Variants in PRKCI observed in about 807,000 individuals in gnomAD.
PRKCI encodes protein kinase C iota type.
A neutral mutation model predicts 84.0 loss-of-function variants in PRKCI; 43 were observed. The observed-to-expected ratio is 0.51, with a 90% CI of 0.40 to 0.66. The LOEUF is 0.66. Among genes scored for constraint, PRKCI ranks in the 30% least tolerant of loss-of-function variants. PRKCI has a pLI of 0.00. For synonymous variants in PRKCI, 216 were observed against 234.4 expected (o/e 0.92, Z 0.72); for missense variants, 459 against 745.6 (o/e 0.62, Z 4.48).
intron 12 of PRKCI, among the ~76,000 whole-genome samples, chr3:170,287,108 G>A (rs1052557265): frequency 5.3e-5 from 8 of 152,056 alleles, no homozygotes; most frequent in African/African-American, 1.9e-4. Context: ...GCCGAGGCAG[G>A]CAGATTGCTG....
intron 12 of PRKCI, among the ~76,000 whole-genome samples, chr3:170,285,327 C>T (rs1177201807): frequency 1.3e-5 from 2 of 152,218 alleles, no homozygotes; most frequent in Non-Finnish European, 2.9e-5. Flanking sequence ...GATCCGCCTG[C>T]CTCAGCCTCC....
At chr3:170,298,342 G>A (rs982822139) in intron 16 of PRKCI, among the ~76,000 whole-genome samples, 2 of 151,528 alleles carry the variant, frequency 1.3e-5, no homozygotes, top group Non-Finnish European at 2.9e-5. Flanking sequence ...AGATCCTCCT[G>A]TGTAACCTCC....
intron 2 of PRKCI, among the ~76,000 whole-genome samples, chr3:170,245,630 G>A (rs961936007): frequency 4.6e-5 from 7 of 152,008 alleles, no homozygotes; most frequent in African/African-American, 1.7e-4. Flanking sequence ...GTTCACACGG[G>A]ATACACTTAT....
At chr3:170,302,377 A>C (rs1474060802) in intron 17 of PRKCI, among the ~76,000 whole-genome samples, 3 of 152,212 alleles carry the variant, frequency 2.0e-5, no homozygotes, top group Non-Finnish European at 4.4e-5. Flanking sequence ...AAATTTAACA[A>C]GTACTGCTTT....
chr3:170,273,439 C>T, intron 7 of PRKCI, 99 bp downstream of exon 7: 1 of 1,119,300 alleles, frequency 8.9e-7, no homozygotes, highest in Non-Finnish European at 1.3e-6. Context: ...ACATTTACTT[C>T]TTCCCAATTA....
At position 170,268,202 on chromosome 3, in the gene PRKCI, C is replaced by T. The variant is rs565348478; in HGVS notation, c.450+202C>T. ...TTTCACTCTTAAAAATGCTCCAGGC[C>T]AGGTGTGGTGGCTCAGGCCTATAAT... is the stretch of plus-strand genomic sequence containing the variant. On this transcript the variant is annotated intron_variant, in intron 5 of 17. Coordinates refer to ENST00000295797, the MANE Select transcript of PRKCI (RefSeq NM_002740.6). 3.9e-3 allele frequency among the ~76,000 whole-genome samples: 594 copies of T among 152,248 alleles called. 2 individuals are homozygous for T. The Middle Eastern group carries it at 0.041, about 10-fold the overall frequency.
intron 7 of PRKCI, among the ~76,000 whole-genome samples, chr3:170,274,574 G>A (rs780312397): frequency 2.2e-4 from 33 of 152,324 alleles, no homozygotes; most frequent in Admixed American, 1.4e-3. Context: ...CACGTATCTG[G>A]GAAATTTGGA....
At chr3:170,254,992 T>C (rs1446042951) in intron 2 of PRKCI, among the ~76,000 whole-genome samples, 1 of 151,590 alleles carries the variant, frequency 6.6e-6, no homozygotes, top group Non-Finnish European at 1.5e-5. Flanking sequence ...TTAATGTGTA[T>C]GTCTTCTTCA....
At chr3:170,258,667 T>C (rs2108847830) in intron 2 of PRKCI, among the ~76,000 whole-genome samples, 1 of 152,292 alleles carries the variant, frequency 6.6e-6, no homozygotes, top group East Asian at 1.9e-4. Context: ...CAGGGATGAC[T>C]CAGTTGTCTG....
chr3:170,226,636 A>G (rs1360573218), intron 1 of PRKCI, among the ~76,000 whole-genome samples: 2 of 152,202 alleles, frequency 1.3e-5, no homozygotes, highest in African/African-American at 4.8e-5. Context: ...AACTCTTTGC[A>G]TATTTGGAAT....
intron 14 of PRKCI, among the ~76,000 whole-genome samples, chr3:170,294,861 A>G (rs940053672): frequency 6.6e-6 from 1 of 152,194 alleles, no homozygotes; most frequent in African/African-American, 2.4e-5. Context: ...CTTCAGTTAT[A>G]TATGTAATAT....
At chr3:170,267,700 A>AAGCAGT (rs1480020721) in intron 4 of PRKCI, among the ~76,000 whole-genome samples, 1 of 150,446 alleles carries the variant, frequency 6.6e-6, no homozygotes, top group Non-Finnish European at 1.5e-5. Flanking sequence ...AAAAAAGGAC[A>AAGCAGT]AGCAGTAGGC....
intron 2 of PRKCI, among the ~76,000 whole-genome samples, chr3:170,249,734 C>CTGCA (rs1733388743): frequency 6.6e-6 from 1 of 151,110 alleles, no homozygotes; most frequent in Non-Finnish European, 1.5e-5. Context: ...GAGGTCAAGG[C>CTGCA]TGCAGTGAAC....
At chr3:170,284,357 TG>T in intron 11 of PRKCI, 103 bp from the exon 12 acceptor site, 1 of 1,023,702 alleles carries the variant, frequency 9.8e-7, no homozygotes, top group Non-Finnish European at 1.4e-6. Flanking sequence ...CTAAAATCAC[TG>T]GGAGAAAAAA....
At chr3:170,293,585 A>G in intron 14 of PRKCI, 77 bp downstream of exon 14, 1 of 1,437,912 alleles carries the variant, frequency 7.0e-7, no homozygotes. Flanking sequence ...TCAGGTTACT[A>G]CTTTGAGTAA....
At chr3:170,269,855 G>A (rs913075057) in intron 5 of PRKCI, among the ~76,000 whole-genome samples, 1 of 152,072 alleles carries the variant, frequency 6.6e-6, no homozygotes, top group African/African-American at 2.4e-5. Flanking sequence ...CTACTCTGGA[G>A]GCTGAGGCAG....
rs767271191 is a variant in PRKCI at position 170,303,178 on chromosome 3, A to G, written c.*51A>G. 2.9e-6 allele frequency: 4 copies of G among 1,388,202 alleles called. No individual in the cohort carries two copies. Among genetic ancestry groups the G allele is most frequent in the South Asian group, 1.3e-5 (1 of 78,702 alleles). The allele number at this position is 1,388,202 out of a possible 1,614,324, so 86.0% of individuals were successfully genotyped here. A position where few individuals can be genotyped will look rare whatever the true frequency, so the allele number is the denominator to read the frequency against. ...ACTCATGTTGCCATTTAATGCATGGATAAACTTGCTGCAAGCCTGGATACA... is the reference window on the plus strand; with the variant it reads ...ACTCATGTTGCCATTTAATGCATGGGTAAACTTGCTGCAAGCCTGGATACA... On this transcript the variant is annotated 3_prime_UTR_variant, in exon 18 of 18. Transcript: ENST00000295797.
chr3:170,240,048 G>A (rs111464262), intron 2 of PRKCI, among the ~76,000 whole-genome samples: 1,525 of 152,060 alleles, frequency 0.01, 33 homozygotes, highest in African/African-American at 0.035. Flanking sequence ...TATAGTCTCA[G>A]CTACTCAAAA....
chr3:170,295,919 GA>G lies in PRKCI; in HGVS notation c.1431del (p.Lys477AsnfsTer11). 2 of 1,562,916 alleles carry G rather than the reference GA, an allele frequency of 1.3e-6. No homozygotes were observed. The highest frequency in any genetic ancestry group is 8.7e-7 in the Non-Finnish European group (1 of 1,150,420). On this transcript the variant is annotated frameshift_variant, in exon 15 of 18. Coordinates refer to ENST00000295797, the MANE Select transcript of PRKCI (RefSeq NM_002740.6). LOFTEE classifies it high-confidence loss of function. The part of the protein sequence containing the change: ...TEDYLFQVIL[E>X]KQIRIPRSLS... ...AATTTTTATCTTTCTAGTTATTTTG[GA>G]AAAACAAATTCGCATACCACGTTCT...
Sources: gnomAD v4.1 joint callset for allele counts (sites outside exome capture counted in the v4.1 genomes callset) on GRCh38, gnomAD v4.1.1 for gene constraint, MANE v1.5 for transcripts, NCBI Gene and HGNC (gene_info 2026-07-23, HGNC 2026-07-21) for gene names.